TTLL11: variants seen among roughly 807,000 people sequenced by gnomAD.
The protein encoded by TTLL11 is tubulin tyrosine ligase like 11, also known as tubulin polyglutamylase TTLL11.
A neutral mutation model predicts 51.7 loss-of-function variants in TTLL11; 42 were observed. The observed-to-expected ratio is 0.81, with a 90% CI of 0.64 to 1.05. TTLL11 has a LOEUF of 1.05. TTLL11 is among the 50% of genes least tolerant of loss of function. The pLI, the probability that TTLL11 is intolerant of heterozygous loss-of-function variation, is 0.00. For synonymous variants in TTLL11, 381 were observed against 383.5 expected (o/e 0.99, Z 0.08); for missense variants, 799 against 940.4 (o/e 0.85, Z 1.97).
Position 122,039,311 on chromosome 9 carries a change from C to T in TTLL11, c.520G>A (p.Asp174Asn), listed in dbSNP as rs745505306. 2.5e-6 allele frequency: 4 copies of T among 1,613,976 alleles called. No individual in the cohort carries two copies. Among genetic ancestry groups the T allele is most frequent in the South Asian group, 1.1e-5 (1 of 91,064 alleles). Residue 174 changes from aspartate to asparagine, a missense_variant, in exon 2 of 9, where the codon GAC becomes AAC. Coordinates refer to ENST00000321582, the MANE Select transcript of TTLL11 (RefSeq NM_001139442.2). The part of the protein sequence containing the change: ...DIYWHGVSFH[D>N]NDIFSGQVNK... ...ACTTGACCGGAGAATATGTCATTGT[C>T]GTGAAATGAAACTCCATGCCAGTAG...
At chr9:121,903,426 A>G (rs1839835565) in intron 6 of TTLL11, among the ~76,000 whole-genome samples, 1 of 152,154 alleles carries the variant, frequency 6.6e-6, no homozygotes, top group East Asian at 1.9e-4. Flanking sequence ...TGTATGGCAA[A>G]GCTGGATGGC....
At chr9:121,901,955 T>C (rs565702557) in intron 6 of TTLL11, among the ~76,000 whole-genome samples, 1 of 152,114 alleles carries the variant, frequency 6.6e-6, no homozygotes, top group Non-Finnish European at 1.5e-5. Flanking sequence ...ATTTTTTATT[T>C]TTTATTTATT....
At chr9:121,920,251 C>T (rs1486225601) in intron 6 of TTLL11, among the ~76,000 whole-genome samples, 1 of 152,126 alleles carries the variant, frequency 6.6e-6, no homozygotes, top group Non-Finnish European at 1.5e-5. Flanking sequence ...TGCAGTGAGC[C>T]AAGATTGCAC....
intron 3 of TTLL11, among the ~76,000 whole-genome samples, chr9:122,022,278 A>G (rs1844203987): frequency 6.6e-6 from 1 of 152,150 alleles, no homozygotes; most frequent in Admixed American, 6.5e-5. Context: ...CAAAAGCTCA[A>G]TGAGAAACAT....
rs551797211 is a variant in TTLL11, at chr9:121,927,952, T to C, written c.1481+46057A>G. On this transcript the variant is annotated intron_variant, in intron 6 of 8. Coordinates refer to ENST00000321582, the MANE Select transcript of TTLL11 (RefSeq NM_001139442.2). Reference sequence around the variant, plus strand: ...GAGGCCAATAAATCTCAAATGTTGATGTGCTTCAGAAGTCAGCATAGGAGC... The same window carrying C: ...GAGGCCAATAAATCTCAAATGTTGACGTGCTTCAGAAGTCAGCATAGGAGC... Among the ~76,000 whole-genome samples the C allele has an allele frequency of 2.7e-4, 41 of 152,298 alleles. No individual in the cohort carries two copies. In the South Asian group the frequency reaches 6.0e-3, roughly 22 times the overall value.
At chr9:122,021,915 T>G (rs990583785) in intron 3 of TTLL11, among the ~76,000 whole-genome samples, 1 of 152,184 alleles carries the variant, frequency 6.6e-6, no homozygotes, top group African/African-American at 2.4e-5. Flanking sequence ...GTGATTATAA[T>G]GCATTCCATA....
chr9:121,933,557 C>T (rs1288646247), intron 6 of TTLL11, among the ~76,000 whole-genome samples: 4 of 152,116 alleles, frequency 2.6e-5, no homozygotes, highest in Admixed American at 2.6e-4. Context: ...TATACTCTCA[C>T]TATCCATCGA....
chr9:122,061,914 G>T (rs1845444972), intron 1 of TTLL11, among the ~76,000 whole-genome samples: 1 of 152,176 alleles, frequency 6.6e-6, no homozygotes, highest in African/African-American at 2.4e-5. Context: ...GGGATTACAG[G>T]TGTGAGCCAC....
In TTLL11 at chr9:121,851,857, C is replaced by T. The variant is rs149885995; in HGVS notation, c.1840+8480G>A. Among the ~76,000 whole-genome samples the T allele has an allele frequency of 9.5e-3, 1,449 of 152,310 alleles. 7 individuals carry two copies. The highest frequency in any genetic ancestry group is 0.017 in the African/African-American group (718 of 41,578). On this transcript the variant is annotated intron_variant, in intron 8 of 8. Coordinates refer to ENST00000321582, the MANE Select transcript of TTLL11 (RefSeq NM_001139442.2). ...AGTGGTGGGGGGGAAGCCCTCACAGCCCCGAGAGCTCCCTGGACATGCTGT... is the reference window on the plus strand; with the variant it reads ...AGTGGTGGGGGGGAAGCCCTCACAGTCCCGAGAGCTCCCTGGACATGCTGT...
At chr9:122,081,594 A>G (rs915822437) in intron 1 of TTLL11, among the ~76,000 whole-genome samples, 2 of 152,202 alleles carry the variant, frequency 1.3e-5, no homozygotes, top group Non-Finnish European at 2.9e-5. Context: ...GGATATGTAA[A>G]ACTCTAAGCC....
At chr9:122,035,314 T>C (rs1335691740) in intron 2 of TTLL11, among the ~76,000 whole-genome samples, 1 of 152,186 alleles carries the variant, frequency 6.6e-6, no homozygotes, top group Non-Finnish European at 1.5e-5. Context: ...AGTTCCCCTA[T>C]CGATTGGGAA....
intron 6 of TTLL11, among the ~76,000 whole-genome samples, chr9:121,872,388 G>A (rs1317708625): frequency 6.6e-6 from 1 of 152,164 alleles, no homozygotes; most frequent in African/African-American, 2.4e-5. Context: ...TCACCGTTTT[G>A]TGAGCTCATT....
intron 8 of TTLL11, 46 bp downstream of exon 8, chr9:121,860,291 C>T (rs760347448): frequency 1.0e-5 from 15 of 1,434,544 alleles, no homozygotes; most frequent in Non-Finnish European, 1.3e-5. Context: ...ACCACCCATG[C>T]CTGTCAGGAC....
chr9:121,973,676 T>C (rs1441026288), intron 6 of TTLL11, among the ~76,000 whole-genome samples: 1 of 152,110 alleles, frequency 6.6e-6, no homozygotes, highest in Non-Finnish European at 1.5e-5. Flanking sequence ...CACACCAACA[T>C]GGCACATGTA....
At chr9:121,897,638 A>ACC (rs1839580233) in intron 6 of TTLL11, among the ~76,000 whole-genome samples, 1 of 123,324 alleles carries the variant, frequency 8.1e-6, no homozygotes. Context: ...ACACACACAC[A>ACC]CACGCGCGCG....
intron 6 of TTLL11, among the ~76,000 whole-genome samples, chr9:121,935,933 G>C (rs1376803722): frequency 6.6e-6 from 1 of 152,170 alleles, no homozygotes; most frequent in African/African-American, 2.4e-5. Context: ...CAGGTCTCCA[G>C]GTACCCGGAC....
chr9:122,093,175 G>C lies in TTLL11; in HGVS notation c.-27C>G. The C allele has an allele frequency of 1.3e-6, 2 of 1,492,778 alleles. No homozygotes were observed. The highest frequency in any genetic ancestry group is 5.5e-5 in the East Asian group (2 of 36,270). The allele number at this position is 1,492,778 out of a possible 1,614,324, so 92.5% of individuals were successfully genotyped here. ...GTGCTCAGGGCCGGGGCCAGTGCCA[G>C]TGCCACCGCCGCCGCCGCCGCCGCT... On this transcript the variant is annotated 5_prime_UTR_variant, in exon 1 of 9. Transcript: ENST00000321582.
chr9:122,037,448 A>G lies in TTLL11; in HGVS notation c.559+1824T>C, dbSNP rs74482837. ...AGTTCCCCTAGAAAACAATGAAGGT[A>G]GAATGTTAGCTGAATTACTAGGCCA... On this transcript the variant is annotated intron_variant, in intron 2 of 8. Coordinates refer to ENST00000321582, the MANE Select transcript of TTLL11 (RefSeq NM_001139442.2). Among the ~76,000 whole-genome samples the G allele has an allele frequency of 7.2e-3, 1,095 of 152,334 alleles. 13 individuals carry two copies. The highest frequency in any genetic ancestry group is 0.025 in the African/African-American group (1,055 of 41,566).
intron 8 of TTLL11, among the ~76,000 whole-genome samples, chr9:121,826,467 G>A (rs1200318187): frequency 1.0e-5 from 1 of 97,072 alleles, no homozygotes. Flanking sequence ...ATATATGTGT[G>A]TATATATATA....
Sources: allele counts gnomAD v4.1 joint callset (sites outside exome capture counted in the v4.1 genomes callset), GRCh38; gene constraint gnomAD v4.1.1; transcripts MANE v1.5; gene names NCBI Gene and HGNC (gene_info 2026-07-23, HGNC 2026-07-21).